DNAJC17: variants seen among roughly 807,000 people sequenced by gnomAD.
DNAJC17 encodes dnaJ homolog subfamily C member 17.
A neutral mutation model predicts 48.1 loss-of-function variants in DNAJC17; 35 were observed. The observed-to-expected ratio is 0.73, with a 90% CI of 0.56 to 0.96. The LOEUF (loss-of-function observed/expected upper bound fraction) is 0.96. DNAJC17 is among the 50% of genes least tolerant of loss of function. The pLI, the probability that DNAJC17 is intolerant of heterozygous loss-of-function variation, is 0.00. For synonymous variants in DNAJC17, 117 were observed against 142.7 expected (o/e 0.82, Z 1.28); for missense variants, 355 against 377.1 (o/e 0.94, Z 0.48).
intron 3 of DNAJC17, 90 bp downstream of exon 3, chr15:40,779,455 C>T: frequency 6.3e-7 from 1 of 1,580,852 alleles, no homozygotes; most frequent in South Asian, 1.1e-5. Context: ...AAGGACTGTG[C>T]CACATGGCAA....
At chr15:40,793,424 A>T (rs560668204) in intron 1 of DNAJC17, among the ~76,000 whole-genome samples, 3 of 152,308 alleles carry the variant, frequency 2.0e-5, no homozygotes, top group African/African-American at 7.2e-5. Flanking sequence ...ATGCTCAAAC[A>T]GTACCTTGTC....
chr15:40,791,420 C>T (rs1423695547), intron 1 of DNAJC17, among the ~76,000 whole-genome samples: 4 of 151,404 alleles, frequency 2.6e-5, no homozygotes, highest in Non-Finnish European at 5.9e-5. Context: ...CCCAGCTACT[C>T]GGGAGGCTGA....
intron 8 of DNAJC17, 138 bp downstream of exon 8, chr15:40,774,893 G>A (rs1283552569): frequency 1.6e-5 from 14 of 854,564 alleles, no homozygotes; most frequent in African/African-American, 5.2e-5. Context: ...TCTCTAAGAC[G>A]TCCCATGGTC....
In DNAJC17 at chr15:40,791,256, G is replaced by A. The variant is rs140428703; in HGVS notation, c.79-11259C>T. Among the ~76,000 whole-genome samples, 30 of 152,296 alleles carry A rather than the reference G, an allele frequency of 2.0e-4. No individual in the cohort carries two copies. The East Asian group carries it at 4.2e-3, about 22-fold the overall frequency. ...AAAAAAATTTTAAAAAGCTGGGTGC[G>A]GTGGCTCATGACTGTAATCTCAGCA... On this transcript the variant is annotated intron_variant, in intron 1 of 10. Transcript: ENST00000220496.
Position 40,776,609 on chromosome 15 carries a change from C to A in DNAJC17, c.314G>T (p.Arg105Leu), listed in dbSNP as rs770540485. The change falls in exon 5 of 11, where the codon CGG becomes CTG. Residue 105 changes from arginine to leucine, a missense_variant. Physicochemically the swap from Arg to Leu is moderately radical, Grantham distance 102. This residue lies in a region of DNAJC17 where 199 missense variants were observed against 199.9 expected (regional missense o/e 1.00). Transcript: ENST00000220496. ...KVKLDLEARE[R>L]QAQAQESEEE... is the part of the protein sequence containing the mutation. ...CTCACTCTCCTGGGCCTGGGCCTGCCGCTCCCGGGCCTCCAGGTCTAGACA... is the reference window on the plus strand; with the variant it reads ...CTCACTCTCCTGGGCCTGGGCCTGCAGCTCCCGGGCCTCCAGGTCTAGACA... 1.2e-6 allele frequency: 2 copies of A among 1,613,834 alleles called. No homozygotes were observed. The highest frequency in any genetic ancestry group is 8.5e-7 in the Non-Finnish European group (1 of 1,179,994).
At position 40,768,033 on chromosome 15, in the gene DNAJC17, C is replaced by T. The variant is rs1472258095; in HGVS notation, c.822G>A (p.Glu274=). The T allele has an allele frequency of 6.3e-7, 1 of 1,591,044 alleles. No individual in the cohort carries two copies. The highest frequency in any genetic ancestry group is 8.5e-7 in the Non-Finnish European group (1 of 1,170,950). Residue 274 remains glutamate (E), a synonymous_variant, in exon 11 of 11, where the codon GAG becomes GAA. Coordinates refer to ENST00000220496, the MANE Select transcript of DNAJC17 (RefSeq NM_018163.3). ...GGCGCATGCGCATCATGACGAGGCT[C>T]TCGTAGTCCCTCTCTGACAGCACTG... ...KGSVLSERDY[E]SLVMMRMRQA...
chr15:40,779,959 G>A lies in DNAJC17; in HGVS notation c.117C>T (p.His39=), dbSNP rs1889436457. 2 of 1,614,046 alleles carry A rather than the reference G, an allele frequency of 1.2e-6. No individual in the cohort carries two copies. The highest frequency in any genetic ancestry group is 1.7e-6 in the Non-Finnish European group (2 of 1,180,048). ...TGGGATTATCTGGATTTTTGTCTGG[G>A]TGGCAGGAGAGGGCCTTCTGCCTAT... ...KAYRQKALSC[H]PDKNPDNPRA... Residue 39 remains histidine (H), a synonymous_variant, in exon 2 of 11, where the codon CAC becomes CAT. Coordinates refer to ENST00000220496, the MANE Select transcript of DNAJC17 (RefSeq NM_018163.3).
At chr15:40,803,763 T>C (rs1422451743) in intron 1 of DNAJC17, among the ~76,000 whole-genome samples, 2 of 151,444 alleles carry the variant, frequency 1.3e-5, no homozygotes, top group Non-Finnish European at 2.9e-5. Context: ...TGCCCCCCCA[T>C]TAAAGGCAGG....
At position 40,773,819 on chromosome 15, in the gene DNAJC17, C is replaced by T; in HGVS notation, c.700G>A (p.Glu234Lys). 6.2e-7 allele frequency: 1 copy of T among 1,614,004 alleles called. No individual in the cohort carries two copies. Among genetic ancestry groups the T allele is most frequent in the Non-Finnish European group, 8.5e-7 (1 of 1,179,940 alleles). ...VKAAELAVQNEVGLVDNPLKI... is the reference protein window; with the variant it reads ...VKAAELAVQNKVGLVDNPLKI... Reference sequence around the variant, plus strand: ...AGAGGGTTATCCACCAGGCCAACTTCATTCTGGACAGCCAGCTCCTGCCAA... The same window carrying T: ...AGAGGGTTATCCACCAGGCCAACTTTATTCTGGACAGCCAGCTCCTGCCAA... The change falls in exon 10 of 11, where the codon GAA (glutamate) becomes AAA (lysine). Residue 234 changes from glutamate to lysine, a missense_variant. By Grantham distance (56) the Glu-to-Lys change is moderately conservative. Coordinates refer to ENST00000220496, the MANE Select transcript of DNAJC17 (RefSeq NM_018163.3).
Position 40,807,025 on chromosome 15 carries a change from T to C in DNAJC17, c.78+344A>G, listed in dbSNP as rs183588715. On this transcript the variant is annotated intron_variant, in intron 1 of 10. Coordinates refer to ENST00000220496, the MANE Select transcript of DNAJC17 (RefSeq NM_018163.3). ...AGAAGAGACTGAAATGAGGCACCTC[T>C]TGTCACAGTCAAGGCAGAAGCGGAA... The C allele has an allele frequency of 1.9e-4, 105 of 555,664 alleles. No individual in the cohort carries two copies. In the East Asian group the frequency reaches 2.8e-3, roughly 15 times the overall value. The allele number at this position is 555,664 out of a possible 1,614,324, so 34.4% of individuals were successfully genotyped here.
At position 40,774,338 on chromosome 15, in the gene DNAJC17, GC is replaced by G. The variant is rs1385452191; in HGVS notation, c.681+17del. 3.1e-6 allele frequency: 5 copies of G among 1,613,524 alleles called. No homozygotes were observed. Among genetic ancestry groups the G allele is most frequent in the Non-Finnish European group, 4.2e-6 (5 of 1,179,916 alleles). ...TGACAGGGCCACGAGGGGCCCCCAA[GC>G]CTCATGCAGCACTCACCGCTGCCTT... On this transcript the variant is annotated intron_variant, in intron 9 of 10. Coordinates refer to ENST00000220496, the MANE Select transcript of DNAJC17 (RefSeq NM_018163.3).
intron 1 of DNAJC17, among the ~76,000 whole-genome samples, chr15:40,792,969 C>CTGCAAGCT (rs1889846616): frequency 1.3e-5 from 2 of 149,004 alleles, no homozygotes; most frequent in Non-Finnish European, 3.0e-5. Flanking sequence ...TCTCAGCTCA[C>CTGCAAGCT]TGCAAGCTCT....
intron 1 of DNAJC17, among the ~76,000 whole-genome samples, chr15:40,780,730 CT>C (rs1456943955): frequency 2.0e-5 from 3 of 152,042 alleles, no homozygotes; most frequent in Admixed American, 6.6e-5. Context: ...AGGAGAATCG[CT>C]TGAACCGAGG....
At chr15:40,793,399 G>C (rs1272548800) in intron 1 of DNAJC17, among the ~76,000 whole-genome samples, 1 of 152,098 alleles carries the variant, frequency 6.6e-6, no homozygotes, top group African/African-American at 2.4e-5. Flanking sequence ...ATCTTACTCA[G>C]CTCTAAGTCC....
chr15:40,771,258 G>T (rs1156364170), intron 10 of DNAJC17: 2 of 567,068 alleles, frequency 3.5e-6, no homozygotes, highest in Non-Finnish European at 6.4e-6. Context: ...GAAATGTTGG[G>T]GGGGCGGCCC....
chr15:40,779,706 G>A (rs1205757086), intron 2 of DNAJC17, 103 bp from the exon 3 acceptor site: 2 of 1,349,856 alleles, frequency 1.5e-6, no homozygotes, highest in Non-Finnish European at 1.0e-6. Context: ...TCACAGGATG[G>A]CAGACAAGCC....
intron 1 of DNAJC17, among the ~76,000 whole-genome samples, chr15:40,795,790 G>A (rs1889928881): frequency 6.6e-6 from 1 of 152,134 alleles, no homozygotes; most frequent in African/African-American, 2.4e-5. Context: ...AGGTTGTGAG[G>A]CTGAGGCAGG....
intron 1 of DNAJC17, among the ~76,000 whole-genome samples, chr15:40,782,685 C>T (rs1242385565): frequency 6.6e-6 from 1 of 152,118 alleles, no homozygotes; most frequent in Admixed American, 6.6e-5. Context: ...CGCTTCTACA[C>T]CCAAGTGTGC....
At chr15:40,806,312 G>C (rs12909824) in intron 1 of DNAJC17, among the ~76,000 whole-genome samples, 2 of 146,244 alleles carry the variant, frequency 1.4e-5, no homozygotes, top group Non-Finnish European at 3.0e-5. Context: ...TCCGCCTCCC[G>C]GGTTCCAGTG....
Sources: gnomAD v4.1 joint callset for allele counts (sites outside exome capture counted in the v4.1 genomes callset) on GRCh38, gnomAD v4.1.1 for gene constraint, gnomAD v4.1.1 regional missense constraint, MANE v1.5 for transcripts, NCBI Gene and HGNC (gene_info 2026-07-23, HGNC 2026-07-21) for gene names.